The following TMEM117 variants were observed in gnomAD, a reference collection of about 807,000 sequenced individuals.
TMEM117 encodes transmembrane protein 117.
TMEM117 carries 27 observed loss-of-function variants against 52.4 expected under a neutral mutation model. That is an observed-to-expected ratio of 0.51 (90% CI 0.38 to 0.71). The LOEUF is 0.71. TMEM117 is among the 30% of genes least tolerant of loss of function. The pLI, the probability that TMEM117 is intolerant of heterozygous loss-of-function variation, is 0.00. For synonymous variants in TMEM117, 215 were observed against 206.3 expected (o/e 1.04, Z -0.36); for missense variants, 556 against 630.5 (o/e 0.88, Z 1.26).
At chr12:43,971,023 T>C (rs1592404059) in intron 3 of TMEM117, among the ~76,000 whole-genome samples, 1 of 152,304 alleles carries the variant, frequency 6.6e-6, no homozygotes, top group South Asian at 2.1e-4. Flanking sequence ...TGCCACCCTC[T>C]CTGTTCCATA....
At chr12:44,184,984 T>C (rs1949257239) in intron 4 of TMEM117, among the ~76,000 whole-genome samples, 1 of 152,194 alleles carries the variant, frequency 6.6e-6, no homozygotes. Flanking sequence ...TTCCTTAAGG[T>C]AAGCCCTACT....
In TMEM117 at chr12:43,893,502, CT is replaced by C. The variant is rs142306580; in HGVS notation, c.277+48579del. Among the ~76,000 whole-genome samples, 1,229 of 152,242 alleles carry C rather than the reference CT, an allele frequency of 8.1e-3. 25 individuals carry two copies. Among genetic ancestry groups the C allele is most frequent in the African/African-American group, 0.028 (1,146 of 41,546 alleles). On this transcript the variant is annotated intron_variant, in intron 2 of 7. Coordinates refer to ENST00000266534, the MANE Select transcript of TMEM117 (RefSeq NM_032256.3). Reference sequence around the variant, plus strand: ...CACTAAAAATTTCTCAAAATTCTGCCTTTTTCAGTGCATATTTAAATCAACC... The same window carrying C: ...CACTAAAAATTTCTCAAAATTCTGCCTTTTCAGTGCATATTTAAATCAACC...
At chr12:43,975,589 T>C (rs1194576710) in intron 3 of TMEM117, among the ~76,000 whole-genome samples, 1 of 152,210 alleles carries the variant, frequency 6.6e-6, no homozygotes, top group East Asian at 1.9e-4. Context: ...TCCAGAGAAC[T>C]GGCAGTGTTA....
chr12:44,122,774 A>G (rs1203425926), intron 3 of TMEM117, among the ~76,000 whole-genome samples: 3 of 152,194 alleles, frequency 2.0e-5, no homozygotes, highest in African/African-American at 7.2e-5. Context: ...ATAGTATTCT[A>G]TGGTGTATAT....
At chr12:43,830,911 T>G in the TMEM117 span, among the ~76,000 whole-genome samples, 1 of 152,254 alleles carries the variant, frequency 6.6e-6, no homozygotes, top group Admixed American at 6.5e-5. Context: ...CTTGATATCA[T>G]ATTGCTACTA....
chr12:43,835,323 T>C (rs1274843870), upstream of TMEM117, among the ~76,000 whole-genome samples: 3 of 152,154 alleles, frequency 2.0e-5, no homozygotes, highest in African/African-American at 7.2e-5. Flanking sequence ...CCGGAGAGCC[T>C]CAGACTGCAA....
intron 3 of TMEM117, among the ~76,000 whole-genome samples, chr12:44,133,239 T>C (rs1948442010): frequency 1.3e-5 from 2 of 152,176 alleles, no homozygotes; most frequent in South Asian, 4.2e-4. Context: ...GTTGACAACA[T>C]GAGTGGCAGT....
chr12:43,806,377 G>T, the TMEM117 span: 2 of 1,221,724 alleles, frequency 1.6e-6, no homozygotes, highest in Non-Finnish European at 2.0e-6. Context: ...GCCCCGCCCC[G>T]TGAGGTTGAC....
chr12:44,271,599 A>C (rs2138568867), intron 5 of TMEM117, among the ~76,000 whole-genome samples: 1 of 152,208 alleles, frequency 6.6e-6, no homozygotes, highest in Admixed American at 6.6e-5. Flanking sequence ...TTAAAAATCC[A>C]CTTAAAATTG....
At chr12:44,220,078 A>G (rs1245800466) in intron 5 of TMEM117, among the ~76,000 whole-genome samples, 1 of 152,166 alleles carries the variant, frequency 6.6e-6, no homozygotes, top group African/African-American at 2.4e-5. Context: ...ATTTAATGAC[A>G]TGGGAGGTGG....
chr12:44,223,352 A>G (rs1179384216), intron 5 of TMEM117, among the ~76,000 whole-genome samples: 1 of 151,420 alleles, frequency 6.6e-6, no homozygotes, highest in Non-Finnish European at 1.5e-5. Context: ...CAGCATTATC[A>G]TCCCAGTGTT....
At chr12:43,948,194 G>T (rs574533795) in intron 3 of TMEM117, among the ~76,000 whole-genome samples, 2 of 152,148 alleles carry the variant, frequency 1.3e-5, no homozygotes, top group East Asian at 3.9e-4. Context: ...AAGGATCAAG[G>T]CTCAGACAAT....
At chr12:44,297,536 A>G (rs1950783890) in intron 5 of TMEM117, among the ~76,000 whole-genome samples, 1 of 152,168 alleles carries the variant, frequency 6.6e-6, no homozygotes, top group South Asian at 2.1e-4. Context: ...AGCCCCAACT[A>G]TTTACCAACC....
chr12:44,120,085 T>C (rs1948208738), intron 3 of TMEM117, among the ~76,000 whole-genome samples: 1 of 151,954 alleles, frequency 6.6e-6, no homozygotes, highest in Admixed American at 6.6e-5. Flanking sequence ...GGCCTGGAGG[T>C]AGCACCTGGG....
intron 3 of TMEM117, among the ~76,000 whole-genome samples, chr12:43,978,272 GT>G (rs1488782883): frequency 3.9e-5 from 6 of 152,180 alleles, no homozygotes; most frequent in Non-Finnish European, 8.8e-5. Flanking sequence ...GGACGTGTAT[GT>G]TGATCCAGCA....
intron 2 of TMEM117, among the ~76,000 whole-genome samples, chr12:43,876,748 A>G (rs923469114): frequency 6.6e-6 from 1 of 152,180 alleles, no homozygotes; most frequent in Non-Finnish European, 1.5e-5. Flanking sequence ...TTTCTGATAT[A>G]TAGATACTCA....
chr12:44,322,590 G>A (rs1286414102), intron 6 of TMEM117, among the ~76,000 whole-genome samples: 1 of 152,128 alleles, frequency 6.6e-6, no homozygotes, highest in Non-Finnish European at 1.5e-5. Flanking sequence ...AGGAAAGAGA[G>A]CCAATGTAAC....
chr12:43,995,855 T>C (rs1329403947), intron 3 of TMEM117, among the ~76,000 whole-genome samples: 1 of 152,232 alleles, frequency 6.6e-6, no homozygotes, highest in African/African-American at 2.4e-5. Context: ...GTGATTTTAA[T>C]GAATCATCTC....
At chr12:44,093,244 C>A (rs1196542763) in intron 3 of TMEM117, among the ~76,000 whole-genome samples, 1 of 151,922 alleles carries the variant, frequency 6.6e-6, no homozygotes, top group Non-Finnish European at 1.5e-5. Flanking sequence ...TAACATTATT[C>A]AAATTAAATT....
Sources: gnomAD v4.1 joint callset for allele counts (sites outside exome capture counted in the v4.1 genomes callset) on GRCh38, gnomAD v4.1.1 for gene constraint, MANE v1.5 for transcripts, NCBI Gene and HGNC (gene_info 2026-07-23, HGNC 2026-07-21) for gene names.